The following PARD3 variants were observed in gnomAD, a reference collection of about 807,000 sequenced individuals.
PARD3 encodes the protein partitioning defective 3 homolog.
PARD3 carries 75 observed loss-of-function variants against 155.4 expected under a neutral mutation model. The observed-to-expected ratio is 0.48, with a 90% CI of 0.40 to 0.58. The LOEUF is 0.58. Ranked by LOEUF, PARD3 falls within the 20% of genes least tolerant of loss-of-function variation. PARD3 has a pLI of 0.00. For missense variants in PARD3, 1,642 were observed against 1,721.7 expected, an observed-to-expected ratio of 0.95 and a Z score of 0.82; for synonymous variants, 576 against 610.5, an observed-to-expected ratio of 0.94 and a Z score of 0.83.
chr10:34,593,438 T>C (rs1674455966), intron 2 of PARD3, among the ~76,000 whole-genome samples: 1 of 152,156 alleles, frequency 6.6e-6, no homozygotes, highest in Admixed American at 6.5e-5. Context: ...TATTCACCAG[T>C]CACAGAGATA....
intron 1 of PARD3, among the ~76,000 whole-genome samples, chr10:34,801,756 A>G (rs1842859423): frequency 6.6e-6 from 1 of 152,216 alleles, no homozygotes; most frequent in Non-Finnish European, 1.5e-5. Flanking sequence ...CACCATCTTA[A>G]GATGCCCAAA....
chr10:34,435,839 T>C (rs1033777593), intron 5 of PARD3, among the ~76,000 whole-genome samples: 4 of 152,232 alleles, frequency 2.6e-5, no homozygotes, highest in Non-Finnish European at 5.9e-5. Flanking sequence ...ACAGAATTTA[T>C]GGGCAAAAGT....
intron 22 of PARD3, among the ~76,000 whole-genome samples, chr10:34,236,539 A>G (rs931926119): frequency 1.3e-5 from 2 of 152,234 alleles, no homozygotes; most frequent in Non-Finnish European, 2.9e-5. Flanking sequence ...TTAGCAAGGT[A>G]GAAACCTTTT....
At chr10:34,719,288 C>A (rs72783646) in intron 1 of PARD3, among the ~76,000 whole-genome samples, 45 of 152,268 alleles carry the variant, frequency 3.0e-4, no homozygotes, top group Non-Finnish European at 5.4e-4. Context: ...AAATGTAAAT[C>A]CAGAATTTGA....
In PARD3 at chr10:34,408,848, A is replaced by G. The variant is rs1012614245; in HGVS notation, c.715-6931T>C. On this transcript the variant is annotated intron_variant, in intron 5 of 24. Coordinates refer to ENST00000374788, the MANE Select transcript of PARD3 (RefSeq NM_001184785.2). Reference sequence around the variant, plus strand: ...ACAATATTAGATAAGATATAATAATATAATAATATATAGCAAAAATAAGAT... The same window carrying G: ...ACAATATTAGATAAGATATAATAATGTAATAATATATAGCAAAAATAAGAT... 4.5e-5 allele frequency among the ~76,000 whole-genome samples: 6 copies of G among 132,190 alleles called. No homozygotes were observed. The Admixed American group carries it at 4.6e-4, about 10-fold the overall frequency. The allele number at this position is 132,190 out of a possible 152,430, so 86.7% of individuals were successfully genotyped here.
intron 15 of PARD3, among the ~76,000 whole-genome samples, chr10:34,342,720 T>C (rs1836964063): frequency 6.6e-6 from 1 of 152,164 alleles, no homozygotes; most frequent in African/African-American, 2.4e-5. Flanking sequence ...GTTCTAGACA[T>C]TTCAGCAAAG....
At chr10:34,169,577 T>C (rs1324502003) in intron 22 of PARD3, among the ~76,000 whole-genome samples, 1 of 152,094 alleles carries the variant, frequency 6.6e-6, no homozygotes, top group East Asian at 1.9e-4. Context: ...AAAATGGGCA[T>C]GTGGGGATTT....
At chr10:34,433,459 T>C (rs1289541050) in intron 5 of PARD3, among the ~76,000 whole-genome samples, 1 of 152,210 alleles carries the variant, frequency 6.6e-6, no homozygotes, top group Non-Finnish European at 1.5e-5. Context: ...TTCTAAGAGT[T>C]CAGGACATTA....
intron 6 of PARD3, 134 bp from the exon 7 acceptor site, chr10:34,399,547 C>A (rs949672404): frequency 1.5e-6 from 1 of 662,546 alleles, no homozygotes; most frequent in Admixed American, 2.5e-5. Flanking sequence ...AAAAATCCCA[C>A]CAAGTGCATA....
At chr10:34,314,092 C>T (rs186485284) in intron 20 of PARD3, among the ~76,000 whole-genome samples, 65 of 151,986 alleles carry the variant, frequency 4.3e-4, no homozygotes, top group African/African-American at 1.5e-3. Flanking sequence ...TGTTTAAAAG[C>T]AGCACTGCTA....
At chr10:34,496,927 G>A (rs988220833) in intron 3 of PARD3, among the ~76,000 whole-genome samples, 2 of 152,024 alleles carry the variant, frequency 1.3e-5, no homozygotes, top group African/African-American at 4.8e-5. Context: ...ATACTAAAAT[G>A]TTTTCAGAAG....
chr10:34,754,011 GTTTTA>G (rs1205542899), intron 1 of PARD3, among the ~76,000 whole-genome samples: 1 of 151,784 alleles, frequency 6.6e-6, no homozygotes, highest in Non-Finnish European at 1.5e-5. Flanking sequence ...TGGAATTCTG[GTTTTA>G]TTTATTTTTT....
chr10:34,126,818 GAAA>G (rs550942430), intron 23 of PARD3, among the ~76,000 whole-genome samples: 2 of 73,364 alleles, frequency 2.7e-5, no homozygotes. Flanking sequence ...TCTTGAAAAT[GAAA>G]AAAAAAAAAA....
At chr10:34,458,439 G>T (rs1374084984) in intron 4 of PARD3, among the ~76,000 whole-genome samples, 7 of 152,136 alleles carry the variant, frequency 4.6e-5, no homozygotes, top group Non-Finnish European at 8.8e-5. Context: ...CTGGCCTCGA[G>T]AAATCCTCCC....
In PARD3 at chr10:34,607,035, T is replaced by G. The variant is rs578123659; in HGVS notation, c.222+89283A>C. On this transcript the variant is annotated intron_variant, in intron 2 of 24. Transcript: ENST00000374788. ...TGAGCATGTAAGTAGCTGTCCAGAT[T>G]TGTAGATAGATGCATAAGATGAGAG... 4.0e-5 allele frequency among the ~76,000 whole-genome samples: 6 copies of G among 151,464 alleles called. No homozygotes were observed. The South Asian group carries it at 1.3e-3, about 32-fold the overall frequency.
At chr10:34,575,057 A>G (rs924690849) in intron 2 of PARD3, among the ~76,000 whole-genome samples, 3 of 152,046 alleles carry the variant, frequency 2.0e-5, no homozygotes, top group African/African-American at 7.2e-5. Flanking sequence ...CAGTGGCCCA[A>G]TCATAGCTCA....
rs556795813 is a variant in PARD3, at chr10:34,438,143, C to T, written c.714+12174G>A. ...TACAGGCCAGCGGGGACAGACTGAG[C>T]GGGCTTATCTTCTAACACTGAATCC... On this transcript the variant is annotated intron_variant, in intron 5 of 24. Transcript: ENST00000374788. 1.1e-3 allele frequency among the ~76,000 whole-genome samples: 172 copies of T among 152,270 alleles called. 1 individual carries two copies. The highest frequency in any genetic ancestry group is 2.6e-3 in the African/African-American group (108 of 41,546).
intron 22 of PARD3, among the ~76,000 whole-genome samples, chr10:34,169,388 AG>A (rs757940122): frequency 1.6e-4 from 24 of 152,228 alleles, no homozygotes; most frequent in Non-Finnish European, 3.1e-4. Flanking sequence ...AGATGACAAA[AG>A]AAGCTGGATA....
intron 20 of PARD3, among the ~76,000 whole-genome samples, chr10:34,311,360 ACCCAAC>A (rs1957688507): frequency 2.6e-5 from 4 of 152,070 alleles, no homozygotes. Flanking sequence ...GAGCCAATGA[ACCCAAC>A]CCATGTTTAT....
Sources: allele counts gnomAD v4.1 joint callset (sites outside exome capture counted in the v4.1 genomes callset), GRCh38; gene constraint gnomAD v4.1.1; transcripts MANE v1.5; gene names NCBI Gene and HGNC (gene_info 2026-07-23, HGNC 2026-07-21).